The following ZNF654 variants were observed in gnomAD, a reference collection of about 807,000 sequenced individuals.
The protein encoded by ZNF654 is melanoma-associated antigen.
In ZNF654, 19 loss-of-function variants were observed where a neutral mutation model predicts 95.3. That is an observed-to-expected ratio of 0.20 (90% CI 0.14 to 0.29). The LOEUF is 0.29. Ranked by LOEUF, ZNF654 falls within the 10% of genes least tolerant of loss-of-function variation. The pLI is 1.00. For synonymous variants in ZNF654, 413 were observed against 457.9 expected, an observed-to-expected ratio of 0.90 and a Z score of 1.25; for missense variants, 1,046 against 1,341.0, an observed-to-expected ratio of 0.78 and a Z score of 3.44.
intron 7 of ZNF654, 37 bp from the exon 8 acceptor site, chr3:88,138,666 GAA>G (rs936754036): frequency 8.4e-7 from 1 of 1,190,912 alleles, no homozygotes; most frequent in Admixed American, 4.2e-5. Flanking sequence ...CATTTTTTTG[GAA>G]AAAAAGTATT....
In ZNF654 at chr3:88,124,874, A is replaced by G. The variant is rs146290913; in HGVS notation, c.415-1260A>G. Among the ~76,000 whole-genome samples, 1,254 of 152,030 alleles carry G rather than the reference A, an allele frequency of 8.2e-3. 10 individuals are homozygous for G. Among genetic ancestry groups the G allele is most frequent in the African/African-American group, 0.029 (1,213 of 41,442 alleles). On this transcript the variant is annotated intron_variant, in intron 3 of 8. Coordinates refer to ENST00000636215, the MANE Select transcript of ZNF654 (RefSeq NM_001350134.2). ...AAAATAATACTTTTACTAGATATTC[A>G]GTTAATCTTTCTAAATTGTCAAATT...
At chr3:88,099,752 A>G (rs1370756845) in intron 2 of ZNF654, among the ~76,000 whole-genome samples, 1 of 152,138 alleles carries the variant, frequency 6.6e-6, no homozygotes, top group Non-Finnish European at 1.5e-5. Flanking sequence ...AAATGGTGCC[A>G]GGAAAACTGG....
At chr3:88,070,936 T>C (rs1707476211) in intron 1 of ZNF654, among the ~76,000 whole-genome samples, 1 of 152,112 alleles carries the variant, frequency 6.6e-6, no homozygotes, top group South Asian at 2.1e-4. Context: ...TCATATATTA[T>C]CCAAATTTAA....
At chr3:88,071,647 A>AACAG (rs1412608903) in intron 1 of ZNF654, among the ~76,000 whole-genome samples, 1 of 149,812 alleles carries the variant, frequency 6.7e-6, no homozygotes, top group Non-Finnish European at 1.5e-5. Flanking sequence ...AAAACAAACA[A>AACAG]ACAAAAATTA....
At chr3:88,128,008 T>G (rs1209025587) in intron 4 of ZNF654, among the ~76,000 whole-genome samples, 1 of 152,184 alleles carries the variant, frequency 6.6e-6, no homozygotes, top group Non-Finnish European at 1.5e-5. Flanking sequence ...TATAAGTAAT[T>G]AAAATACTTC....
chr3:88,129,655 T>G (rs1196805253), intron 5 of ZNF654, 32 bp from the exon 6 acceptor site: 2 of 1,362,906 alleles, frequency 1.5e-6, no homozygotes, highest in Non-Finnish European at 1.9e-6. Context: ...TATTTTTAAT[T>G]ATATGAACTG....
chr3:88,140,837 T>C lies in ZNF654; in HGVS notation c.3168T>C (p.Leu1056=). 1 of 1,613,672 alleles carries C rather than the reference T, an allele frequency of 6.2e-7. No homozygotes were observed. Among genetic ancestry groups the C allele is most frequent in the Non-Finnish European group, 8.5e-7 (1 of 1,179,704 alleles). ...PYVRPLPPSY[L]DERYLSMPKR... is the part of the protein sequence containing the mutation. Reference sequence around the variant, plus strand: ...TCAGACCATTGCCTCCCAGTTACCTTGATGAACGGTATCTTAGTATGCCAA... The same window carrying C: ...TCAGACCATTGCCTCCCAGTTACCTCGATGAACGGTATCTTAGTATGCCAA... The change falls in exon 8 of 9, where the codon CTT becomes CTC. Residue 1056 remains leucine (L), a synonymous_variant. Transcript: ENST00000636215.
At chr3:88,064,100 G>C (rs13076170) in intron 1 of ZNF654, among the ~76,000 whole-genome samples, 117,671 of 150,152 alleles carry the variant, frequency 0.78, 47,030 homozygotes, top group South Asian at 0.91. Context: ...ATTGAATAAC[G>C]AGCTTCTTCT....
intron 2 of ZNF654, among the ~76,000 whole-genome samples, chr3:88,108,935 C>A (rs1704911294): frequency 6.6e-6 from 1 of 152,074 alleles, no homozygotes; most frequent in South Asian, 2.1e-4. Flanking sequence ...GTTTTACTGT[C>A]ACACCTCAAA....
chr3:88,129,553 G>T, intron 5 of ZNF654, 134 bp from the exon 6 acceptor site: 1 of 683,634 alleles, frequency 1.5e-6, no homozygotes, highest in South Asian at 2.7e-5. Flanking sequence ...AAATATTTCT[G>T]TACAAGTCAT....
intron 4 of ZNF654, among the ~76,000 whole-genome samples, chr3:88,128,101 T>G (rs1706226298): frequency 6.6e-6 from 1 of 152,184 alleles, no homozygotes; most frequent in African/African-American, 2.4e-5. Flanking sequence ...ATTTGACCTC[T>G]CTGAGACTCA....
Position 88,141,789 on chromosome 3 carries a change from G to A in ZNF654, c.*137G>A, listed in dbSNP as rs938856884. 2.7e-5 allele frequency: 16 copies of A among 593,288 alleles called. No homozygotes were observed. Among genetic ancestry groups the A allele is most frequent in the Non-Finnish European group, 4.3e-5 (16 of 372,132 alleles). The allele number at this position is 593,288 out of a possible 1,614,324, so 36.8% of individuals were successfully genotyped here. On this transcript the variant is annotated 3_prime_UTR_variant, in exon 9 of 9. Transcript: ENST00000636215. ...TTGGATTACTAAAGATAAAGACAAA[G>A]CACATTTTCTAGAATGAACTCACAG... is the stretch of plus-strand genomic sequence containing the variant.
At position 88,139,573 on chromosome 3, in the gene ZNF654, G is replaced by C. The variant is rs777410544; in HGVS notation, c.1904G>C (p.Ser635Thr). The C allele has an allele frequency of 5.0e-5, 81 of 1,613,654 alleles. No individual in the cohort carries two copies. In the South Asian group the frequency reaches 6.4e-4, roughly 13 times the overall value. The change falls in exon 8 of 9, where the codon AGT (serine) becomes ACT (threonine). Residue 635 changes from serine to threonine, a missense_variant. Physicochemically the swap from Ser to Thr is moderately conservative, Grantham distance 58. Around this residue, in one of 9 missense-constraint regions of ZNF654, gnomAD observed 495 missense variants for 537.0 expected, o/e 0.92. Coordinates refer to ENST00000636215, the MANE Select transcript of ZNF654 (RefSeq NM_001350134.2). The part of the protein sequence containing the change: ...SISFENGNSD[S>T]KDLEVETLTA... The stretch of plus-strand genomic sequence containing the variant: ...TCATTTGAAAATGGGAATTCTGATA[G>C]TAAGGATTTGGAAGTGGAGACACTT...
Position 88,140,268 on chromosome 3 carries a change from C to G in ZNF654, c.2599C>G (p.Gln867Glu). The G allele has an allele frequency of 6.2e-7, 1 of 1,613,732 alleles. No homozygotes were observed. The highest frequency in any genetic ancestry group is 8.5e-7 in the Non-Finnish European group (1 of 1,179,780). ...DLPLLYEHEA[Q>E]HYLSKTPESS... ...TCCTCTGCTGTATGAACATGAAGCT[C>G]AACACTATTTAAGTAAAACACCAGA... Residue 867 changes from glutamine (Q) to glutamate (E), a missense_variant, in exon 8 of 9, where the codon CAA becomes GAA. Transcript: ENST00000636215.
chr3:88,128,124 A>G (rs542376174), intron 4 of ZNF654, among the ~76,000 whole-genome samples: 47 of 152,262 alleles, frequency 3.1e-4, no homozygotes, highest in African/African-American at 8.2e-4. Context: ...TTTGCAATCT[A>G]TAAAGCTAGT....
intron 3 of ZNF654, among the ~76,000 whole-genome samples, chr3:88,116,835 T>TTCTTC (rs1705438532): frequency 6.6e-6 from 1 of 152,126 alleles, no homozygotes; most frequent in South Asian, 2.1e-4. Context: ...GTAAACTTTC[T>TTCTTC]TCTTCTCTCT....
Position 88,139,226 on chromosome 3 carries a change from G to A in ZNF654, c.1557G>A (p.Gln519=). The stretch of plus-strand genomic sequence containing the variant: ...ATCCTGATGATGTATCTGGAGTGCA[G>A]CCTAAAGGTCATATTAATACGAAGA... ...ETDPDDVSGV[Q]PKGHINTKKN... Residue 519 remains glutamine, a synonymous_variant, in exon 8 of 9, where the codon CAG becomes CAA. Coordinates refer to ENST00000636215, the MANE Select transcript of ZNF654 (RefSeq NM_001350134.2). 3.4e-6 allele frequency: 5 copies of A among 1,489,262 alleles called. No homozygotes were observed. Among genetic ancestry groups the A allele is most frequent in the Non-Finnish European group, 4.5e-6 (5 of 1,123,236 alleles). The allele number at this position is 1,489,262 out of a possible 1,614,324, so 92.3% of individuals were successfully genotyped here.
intron 7 of ZNF654, among the ~76,000 whole-genome samples, chr3:88,137,194 CAAAAA>C (rs11401199): frequency 5.7e-5 from 4 of 70,754 alleles, no homozygotes; most frequent in South Asian, 7.3e-4. Flanking sequence ...GACTCTGTCT[CAAAAA>C]AAAAAAAAAA....
Position 88,139,781 on chromosome 3 carries a change from G to GGATGAAGAAGGTGAT in ZNF654, c.2113_2127dup (p.Asp705_Asp709dup). The GGATGAAGAAGGTGAT allele has an allele frequency of 6.4e-7, 1 of 1,554,482 alleles. No homozygotes were observed. On this transcript the variant is annotated inframe_insertion, in exon 8 of 9. Transcript: ENST00000636215. ...GTGGGGATGATTATGAGGAGGAAGA[G>GGATGAAGAAGGTGAT]GATGAAGAAGGTGATTATGAAGAAG...
Sources: allele counts gnomAD v4.1 joint callset (sites outside exome capture counted in the v4.1 genomes callset), GRCh38; gene constraint gnomAD v4.1.1; regional missense constraint gnomAD v4.1.1; transcripts MANE v1.5; gene names NCBI Gene and HGNC (gene_info 2026-07-23, HGNC 2026-07-21).